SLC35F6: variants seen among roughly 807,000 people sequenced by gnomAD.
SLC35F6 encodes ANT2-binding protein.
Under a neutral mutation model 29.4 loss-of-function variants are expected in SLC35F6, and 26 were observed. The observed-to-expected ratio is 0.89, with a 90% CI of 0.65 to 1.23. The LOEUF (loss-of-function observed/expected upper bound fraction) is 1.23. SLC35F6 is among the 50% of genes most tolerant of loss of function. SLC35F6 has a pLI of 0.00. For missense variants in SLC35F6, 428 were observed against 487.8 expected, an observed-to-expected ratio of 0.88 and a Z score of 1.15; for synonymous variants, 174 against 206.6, an observed-to-expected ratio of 0.84 and a Z score of 1.35.
intron 1 of SLC35F6, among the ~76,000 whole-genome samples, chr2:26,768,681 C>T (rs1664138445): frequency 7.3e-6 from 1 of 136,830 alleles, no homozygotes; most frequent in Admixed American, 7.6e-5. Flanking sequence ...TTTTAAGACA[C>T]GGTCTCTCTC....
intron 2 of SLC35F6, among the ~76,000 whole-genome samples, chr2:26,774,622 A>C (rs4665905): frequency 0.37 from 55,544 of 152,152 alleles, 10,738 homozygotes; most frequent in Admixed American, 0.47. Context: ...CTGGGAGCCC[A>C]GACCCCAATT....
intron 1 of SLC35F6, among the ~76,000 whole-genome samples, chr2:26,766,574 G>T (rs554916045): frequency 6.6e-6 from 1 of 151,000 alleles, no homozygotes; most frequent in Admixed American, 6.6e-5. Flanking sequence ...CTCCAACCTG[G>T]GTGACAGAGT....
At chr2:26,776,984 T>G (rs1664312643) in intron 5 of SLC35F6, among the ~76,000 whole-genome samples, 1 of 152,200 alleles carries the variant, frequency 6.6e-6, no homozygotes, top group Non-Finnish European at 1.5e-5. Context: ...GTGGATCACT[T>G]GAGGTCAGGA....
At position 26,780,830 on chromosome 2, in the gene SLC35F6, T is replaced by G. The variant is rs1001840609; in HGVS notation, c.*2319T>G. On this transcript the variant is annotated 3_prime_UTR_variant, in exon 6 of 6. Transcript: ENST00000344420. Reference sequence around the variant, plus strand: ...TGAGTGTGGCCTCAAACCATTCTCCTGGGTAGCTCAGTCATAAAACACCGA... The same window carrying G: ...TGAGTGTGGCCTCAAACCATTCTCCGGGGTAGCTCAGTCATAAAACACCGA... The G allele has an allele frequency of 6.6e-6, 1 of 152,230 alleles. No individual in the cohort carries two copies. The highest frequency in any genetic ancestry group is 1.5e-5 in the Non-Finnish European group (1 of 68,080). The allele number at this position is 152,230 out of a possible 1,614,324, so 9.4% of individuals were successfully genotyped here.
Position 26,778,382 on chromosome 2 carries a change from C to T in SLC35F6, c.987C>T (p.Gly329=), listed in dbSNP as rs748706622. ...TTGGCTTCCTCATACTCCTTATAGG[C>T]ACTGCCCTCTACAATGGGCTACACC... ...QILGFLILLI[G]TALYNGLHRP... is the part of the protein sequence containing the mutation. The change falls in exon 6 of 6, where the codon GGC becomes GGT. Residue 329 remains glycine, a synonymous_variant. Coordinates refer to ENST00000344420, the MANE Select transcript of SLC35F6 (RefSeq NM_017877.4). 2.2e-5 allele frequency: 35 copies of T among 1,614,060 alleles called. No homozygotes were observed. The highest frequency in any genetic ancestry group is 2.8e-5 in the Non-Finnish European group (33 of 1,180,030).
intron 1 of SLC35F6, 37 bp downstream of exon 1, chr2:26,764,463 G>T: frequency 6.5e-7 from 1 of 1,549,272 alleles, no homozygotes; most frequent in Non-Finnish European, 8.7e-7. Context: ...GGGCCCTGGC[G>T]ACCCCGGCGC....
In SLC35F6 at chr2:26,780,578, T is replaced by C. The variant is rs560099083; in HGVS notation, c.*2067T>C. ...CATGCCCCAGAGAAGGTTAAGTGAC[T>C]TCCTCTTTATGGAGCCAGTGTTCCA... On this transcript the variant is annotated 3_prime_UTR_variant, in exon 6 of 6. Coordinates refer to ENST00000344420, the MANE Select transcript of SLC35F6 (RefSeq NM_017877.4). 6.6e-6 allele frequency: 1 copy of C among 152,194 alleles called. No individual in the cohort carries two copies. The highest frequency in any genetic ancestry group is 1.5e-5 in the Non-Finnish European group (1 of 68,048). The allele number at this position is 152,194 out of a possible 1,614,324, so 9.4% of individuals were successfully genotyped here. A position where few individuals can be genotyped will look rare whatever the true frequency, so the allele number is the denominator to read the frequency against.
At chr2:26,765,325 G>C (rs1244793270) in intron 1 of SLC35F6, among the ~76,000 whole-genome samples, 2 of 150,624 alleles carry the variant, frequency 1.3e-5, no homozygotes, top group African/African-American at 4.9e-5. Flanking sequence ...TCTGATGTAT[G>C]GGGGTGAGAG....
At position 26,778,458 on chromosome 2, in the gene SLC35F6, G is replaced by T; in HGVS notation, c.1063G>T (p.Glu355Ter). 6.2e-7 allele frequency: 1 copy of T among 1,613,624 alleles called. No individual in the cohort carries two copies. Among genetic ancestry groups the T allele is most frequent in the South Asian group, 1.1e-5 (1 of 91,062 alleles). ...GGGCCGGCCCCTGGCAGAGGAGAGC[G>T]AGCAGGAGAGACTGCTGGGTGGCAC... ...SRGRPLAEES[E>*]QERLLGGTRT... The change falls in exon 6 of 6, where the codon GAG becomes TAG. Residue 355 changes from glutamate (E) to a stop codon, truncating the protein, a stop_gained. Coordinates refer to ENST00000344420, the MANE Select transcript of SLC35F6 (RefSeq NM_017877.4). LOFTEE classifies it high-confidence loss of function.
chr2:26,778,336 C>A lies in SLC35F6; in HGVS notation c.941C>A (p.Ala314Asp). The A allele has an allele frequency of 6.2e-7, 1 of 1,614,176 alleles. No individual in the cohort carries two copies. The highest frequency in any genetic ancestry group is 2.2e-5 in the East Asian group (1 of 44,860). ...CTGAGCCTGGCACTGGGCTGGGAGG[C>A]CTTCCATGCACTGCAGATCCTTGGC... ...WALSLALGWE[A>D]FHALQILGFL... is the part of the protein sequence containing the mutation. The change falls in exon 6 of 6, where the codon GCC (alanine) becomes GAC (aspartate). Residue 314 changes from alanine to aspartate, a missense_variant. Ala to Asp is a moderately radical substitution (Grantham distance 126, BLOSUM62 -2). Coordinates refer to ENST00000344420, the MANE Select transcript of SLC35F6 (RefSeq NM_017877.4).
At position 26,775,501 on chromosome 2, in the gene SLC35F6, G is replaced by A. The variant is rs200777911; in HGVS notation, c.360G>A (p.Leu120=). 7.4e-6 allele frequency: 12 copies of A among 1,612,656 alleles called. No homozygotes were observed. In the East Asian group the frequency reaches 1.6e-4, roughly 21 times the overall value. Residue 120 remains leucine, a synonymous_variant, in exon 4 of 6, where the codon CTG becomes CTA. Coordinates refer to ENST00000344420, the MANE Select transcript of SLC35F6 (RefSeq NM_017877.4). The surrounding 1 kb of genome is among the most constrained non-coding windows in gnomAD (Gnocchi z 4.6). ...NMTSASSFQM[L]RGAVIIFTGL... The stretch of plus-strand genomic sequence containing the variant: ...CCAGTGCCTCCAGCTTCCAGATGCT[G>A]CGGGGTGCAGTGATCATATTCACTG...
Position 26,774,302 on chromosome 2 carries a change from C to T in SLC35F6, c.129C>T (p.Ser43=), listed in dbSNP as rs144526895. The T allele has an allele frequency of 2.5e-6, 4 of 1,614,028 alleles. No individual in the cohort carries two copies. In the African/African-American group the frequency reaches 5.3e-5, roughly 22 times the overall value. ...AEGCGGSKEH[S]FQHPFLQAVG... ...GCTGTGGAGGGAGCAAGGAGCACAGCTTCCAGCATCCCTTCCTCCAGGTAT... is the reference window on the plus strand; with the variant it reads ...GCTGTGGAGGGAGCAAGGAGCACAGTTTCCAGCATCCCTTCCTCCAGGTAT... The change falls in exon 2 of 6, where the codon AGC becomes AGT. Residue 43 remains serine (S), a synonymous_variant. Coordinates refer to ENST00000344420, the MANE Select transcript of SLC35F6 (RefSeq NM_017877.4).
At chr2:26,770,584 G>C (rs1447754947) in intron 1 of SLC35F6, among the ~76,000 whole-genome samples, 3 of 152,088 alleles carry the variant, frequency 2.0e-5, no homozygotes, top group African/African-American at 4.8e-5. Context: ...TGGGCATGGT[G>C]GTGGGTGCCC....
intron 1 of SLC35F6, 54 bp downstream of exon 1, chr2:26,764,480 T>C: frequency 6.5e-7 from 1 of 1,543,144 alleles, no homozygotes; most frequent in Non-Finnish European, 8.8e-7. Context: ...GCGCTCGTTC[T>C]ACGCCTTCCC....
chr2:26,778,798 T>G lies in SLC35F6; in HGVS notation c.*287T>G. ...ACTAGAGCTAAATCATGAAGTTGAATTGTAGGAATTTACCACCGTAGTGTA... is the reference window on the plus strand; with the variant it reads ...ACTAGAGCTAAATCATGAAGTTGAAGTGTAGGAATTTACCACCGTAGTGTA... On this transcript the variant is annotated 3_prime_UTR_variant, in exon 6 of 6. Coordinates refer to ENST00000344420, the MANE Select transcript of SLC35F6 (RefSeq NM_017877.4). 10 of 402,840 alleles carry G rather than the reference T, an allele frequency of 2.5e-5. No homozygotes were observed. Among genetic ancestry groups the G allele is most frequent in the Admixed American group, 4.0e-5 (1 of 25,220 alleles). The allele number at this position is 402,840 out of a possible 1,614,324, so 25.0% of individuals were successfully genotyped here. A position where few individuals can be genotyped will look rare whatever the true frequency, so the allele number is the denominator to read the frequency against.
intron 1 of SLC35F6, 105 bp downstream of exon 1, chr2:26,764,531 C>G (rs1664059805): frequency 2.1e-6 from 3 of 1,408,498 alleles, no homozygotes; most frequent in Non-Finnish European, 2.9e-6. Flanking sequence ...TGCTTTCCCA[C>G]TTGCTCCGGT....
rs1664276910 is a variant in SLC35F6, at chr2:26,775,234, C to T, written c.322+19C>T. The T allele has an allele frequency of 1.2e-6, 2 of 1,607,546 alleles. No homozygotes were observed. Among genetic ancestry groups the T allele is most frequent in the Non-Finnish European group, 1.7e-6 (2 of 1,175,674 alleles). Reference sequence around the variant, plus strand: ...TATGTGGGTGAGTAACCAGGCCAGGCTGAGAAGGGCTCAGGGGAAGCTGTG... The same window carrying T: ...TATGTGGGTGAGTAACCAGGCCAGGTTGAGAAGGGCTCAGGGGAAGCTGTG... On this transcript the variant is annotated intron_variant, in intron 3 of 5. Transcript: ENST00000344420. The surrounding 1 kb of genome is among the most constrained non-coding windows in gnomAD (Gnocchi z 4.6).
intron 1 of SLC35F6, among the ~76,000 whole-genome samples, chr2:26,771,214 C>G (rs912108531): frequency 1.3e-5 from 2 of 152,224 alleles, no homozygotes; most frequent in Non-Finnish European, 2.9e-5. Context: ...AGGGGTTTCC[C>G]CTATGGACCA....
chr2:26,776,812 C>T (rs890318905), intron 5 of SLC35F6, among the ~76,000 whole-genome samples: 1 of 152,030 alleles, frequency 6.6e-6, no homozygotes, highest in Admixed American at 6.6e-5. Flanking sequence ...GGGTGGCATT[C>T]GAGCTGCAAA....
Sources: gnomAD v4.1 joint callset for allele counts (sites outside exome capture counted in the v4.1 genomes callset) on GRCh38, gnomAD v4.1.1 for gene constraint, Gnocchi (gnomAD v3.1) non-coding constraint, MANE v1.5 for transcripts, NCBI Gene and HGNC (gene_info 2026-07-23, HGNC 2026-07-21) for gene names.